The following PKNOX2 variants were observed in gnomAD, a reference collection of about 807,000 sequenced individuals.
The protein encoded by PKNOX2 is PBX/knotted 1 homeobox 2.
A neutral mutation model predicts 53.1 loss-of-function variants in PKNOX2; 14 were observed. The observed-to-expected ratio is 0.26, with a 90% confidence interval of 0.17 to 0.41. PKNOX2 has a LOEUF of 0.41. Ranked by LOEUF, PKNOX2 falls within the 10% of genes least tolerant of loss-of-function variation. The probability of loss-of-function intolerance (pLI) is 1.00; values close to 1 mark genes in which losing one functional copy is unlikely to be tolerated. For missense variants in PKNOX2, 496 were observed against 602.8 expected (o/e 0.82, Z 1.85); for synonymous variants, 257 against 242.8 (o/e 1.06, Z -0.54).
chr11:125,406,697 T>G (rs1281713232), intron 7 of PKNOX2, among the ~76,000 whole-genome samples: 1 of 151,980 alleles, frequency 6.6e-6, no homozygotes, highest in African/African-American at 2.4e-5. Context: ...CTCTGGGAAG[T>G]CACTTCCATC....
intron 2 of PKNOX2, among the ~76,000 whole-genome samples, chr11:125,273,505 A>G (rs1565485210): frequency 6.6e-6 from 1 of 152,178 alleles, no homozygotes; most frequent in African/African-American, 2.4e-5. Flanking sequence ...AGTGCCAAGA[A>G]AAAGGTTCTC....
At chr11:125,332,302 G>T (rs544944031) in intron 3 of PKNOX2, among the ~76,000 whole-genome samples, 1 of 152,116 alleles carries the variant, frequency 6.6e-6, no homozygotes, top group South Asian at 2.1e-4. Flanking sequence ...GGGGTGGGGG[G>T]TTCCTTAAAA....
chr11:125,169,282 A>G (rs559577349), intron 1 of PKNOX2, among the ~76,000 whole-genome samples: 276 of 152,352 alleles, frequency 1.8e-3, no homozygotes, highest in Non-Finnish European at 3.0e-3. Flanking sequence ...CATGCTTTGT[A>G]TAAAACACTT....
At chr11:125,413,658 C>G (rs1170134105) in intron 10 of PKNOX2, among the ~76,000 whole-genome samples, 5 of 152,174 alleles carry the variant, frequency 3.3e-5, no homozygotes, top group Non-Finnish European at 7.3e-5. Context: ...TTACCTTTTA[C>G]CCGGCAACTT....
chr11:125,215,125 G>A (rs138903545), intron 1 of PKNOX2, among the ~76,000 whole-genome samples: 171 of 152,214 alleles, frequency 1.1e-3, no homozygotes, highest in African/African-American at 3.9e-3. Context: ...GGGGAAGGCC[G>A]TGTCTTCCGG....
chr11:125,210,792 G>A (rs1939748012), intron 1 of PKNOX2, among the ~76,000 whole-genome samples: 1 of 152,018 alleles, frequency 6.6e-6, no homozygotes, highest in African/African-American at 2.4e-5. Context: ...AATTCCACTG[G>A]GCAGAGTGTG....
chr11:125,345,117 A>G (rs1950900814), intron 3 of PKNOX2, among the ~76,000 whole-genome samples: 1 of 152,158 alleles, frequency 6.6e-6, no homozygotes, highest in East Asian at 1.9e-4. Context: ...CTGAATCCTC[A>G]GGGTCCCCAG....
chr11:125,200,696 C>G (rs151098752), intron 1 of PKNOX2, among the ~76,000 whole-genome samples: 34 of 152,322 alleles, frequency 2.2e-4, no homozygotes, highest in African/African-American at 7.5e-4. Context: ...TCTGCAGTCA[C>G]GTATGTATTT....
chr11:125,416,298 G>A (rs1379151324), intron 10 of PKNOX2, among the ~76,000 whole-genome samples: 7 of 74,292 alleles, frequency 9.4e-5, no homozygotes, highest in Non-Finnish European at 1.4e-4. Context: ...GCGAGACGCC[G>A]TCTCAAAAAA....
chr11:125,228,447 C>T (rs1334935658), intron 1 of PKNOX2, among the ~76,000 whole-genome samples: 1 of 152,160 alleles, frequency 6.6e-6, no homozygotes, highest in Non-Finnish European at 1.5e-5. Flanking sequence ...TAAATGTTTG[C>T]TATTATTAGG....
At chr11:125,408,581 G>C (rs1187761739) in intron 7 of PKNOX2, among the ~76,000 whole-genome samples, 1 of 152,208 alleles carries the variant, frequency 6.6e-6, no homozygotes, top group Non-Finnish European at 1.5e-5. Context: ...CAGCTCTTGG[G>C]CCAGAGACAA....
intron 1 of PKNOX2, among the ~76,000 whole-genome samples, chr11:125,197,875 G>C (rs944814523): frequency 1.2e-4 from 19 of 152,254 alleles, no homozygotes; most frequent in African/African-American, 4.1e-4. Flanking sequence ...ACGTGCTGCC[G>C]TCACCTCTTT....
chr11:125,349,837 T>TCACACACACACACA (rs60332384), intron 3 of PKNOX2, among the ~76,000 whole-genome samples: 3 of 138,040 alleles, frequency 2.2e-5, no homozygotes, highest in Non-Finnish European at 3.1e-5. Context: ...ACCAAAAGAA[T>TCACACACACACACA]CACACACACA....
intron 6 of PKNOX2, among the ~76,000 whole-genome samples, chr11:125,393,692 C>CG (rs1404802921): frequency 6.6e-6 from 1 of 152,000 alleles, no homozygotes; most frequent in African/African-American, 2.4e-5. Context: ...GTTTGGACCC[C>CG]GGGGGGCTGT....
intron 2 of PKNOX2, among the ~76,000 whole-genome samples, chr11:125,284,588 G>T (rs1946779409): frequency 6.6e-6 from 1 of 152,186 alleles, no homozygotes; most frequent in Admixed American, 6.5e-5. Flanking sequence ...TAATCAGAAA[G>T]ATAAATTAAG....
intron 3 of PKNOX2, among the ~76,000 whole-genome samples, chr11:125,340,167 T>G (rs909796746): frequency 2.0e-5 from 3 of 152,270 alleles, no homozygotes; most frequent in Non-Finnish European, 4.4e-5. Flanking sequence ...TTCCCTACCG[T>G]GGGAAGGCAC....
intron 5 of PKNOX2, among the ~76,000 whole-genome samples, chr11:125,373,733 G>T (rs114284937): frequency 6.6e-6 from 1 of 152,196 alleles, no homozygotes; most frequent in Non-Finnish European, 1.5e-5. Context: ...TCCAGCATGC[G>T]TAAGGCATTG....
chr11:125,247,116 G>A (rs10893355), intron 2 of PKNOX2, among the ~76,000 whole-genome samples: 82,271 of 151,914 alleles, frequency 0.54, 22,609 homozygotes, highest in East Asian at 0.72. Flanking sequence ...CTCCTCCCAG[G>A]CCCCAACAGT....
At chr11:125,311,084 C>T (rs1948773730) in intron 2 of PKNOX2, among the ~76,000 whole-genome samples, 1 of 152,144 alleles carries the variant, frequency 6.6e-6, no homozygotes, top group East Asian at 1.9e-4. Flanking sequence ...CTTTGGCCTT[C>T]CTAGCACACT....
Sources: allele counts gnomAD v4.1 joint callset (sites outside exome capture counted in the v4.1 genomes callset), GRCh38; gene constraint gnomAD v4.1.1; transcripts MANE v1.5; gene names NCBI Gene and HGNC (gene_info 2026-07-23, HGNC 2026-07-21).